The following LGI2 variants were observed in gnomAD, a reference collection of about 807,000 sequenced individuals.
LGI2 encodes the protein leucine rich repeat LGI family member 2, also known as leucine-rich repeat LGI family member 2.
LGI2 carries 30 observed loss-of-function variants against 52.0 expected under a neutral mutation model. The ratio of observed to expected loss-of-function variants is 0.58; its 90% CI spans 0.43 to 0.78. LGI2 has a LOEUF of 0.78. Ranked by LOEUF, LGI2 falls within the 30% of genes least tolerant of loss-of-function variation. The probability of loss-of-function intolerance (pLI) is 0.00; values close to 1 mark genes in which losing one functional copy is unlikely to be tolerated. For missense variants in LGI2, 573 were observed against 692.5 expected (o/e 0.83, Z 1.94); for synonymous variants, 270 against 271.8 (o/e 0.99, Z 0.06).
chr4:25,030,507 T>C lies in LGI2; in HGVS notation c.187A>G (p.Ile63Val), dbSNP rs757740774. Residue 63 changes from isoleucine (I) to valine (V), a missense_variant, in exon 1 of 8, where the codon ATC becomes GTC. By Grantham distance (29) the Ile-to-Val change is conservative. Transcript: ENST00000382114. The part of the protein sequence containing the change: ...SWVPRIVPGD[I>V]SSLSLVNGTF... ...AGGGGTCCCACTCACAGGGAGCTGA[T>C]GTCGCCCGGCACGATCCTGGGCACC... 1.6e-5 allele frequency: 25 copies of C among 1,589,988 alleles called. No individual in the cohort carries two copies. Among genetic ancestry groups the C allele is most frequent in the Admixed American group, 1.2e-4 (7 of 56,106 alleles).
At chr4:25,024,713 A>G in intron 4 of LGI2, 107 bp downstream of exon 4, 1 of 707,406 alleles carries the variant, frequency 1.4e-6, no homozygotes, top group Non-Finnish European at 2.4e-6. Context: ...AGTAATCTAG[A>G]AATTCATTTC....
At chr4:25,006,465 G>A (rs1458316534) in intron 7 of LGI2, among the ~76,000 whole-genome samples, 1 of 152,166 alleles carries the variant, frequency 6.6e-6, no homozygotes, top group Non-Finnish European at 1.5e-5. Context: ...TGGCTCTGGG[G>A]GCTGACACTG....
chr4:25,025,645 C>G (rs1577561451), intron 3 of LGI2, among the ~76,000 whole-genome samples: 3 of 152,146 alleles, frequency 2.0e-5, no homozygotes. Flanking sequence ...TCAGGGAGAA[C>G]TAAATTTTAG....
At chr4:25,009,885 C>T (rs1293744056) in intron 7 of LGI2, among the ~76,000 whole-genome samples, 2 of 152,120 alleles carry the variant, frequency 1.3e-5, no homozygotes, top group African/African-American at 4.8e-5. Flanking sequence ...CCACCTGCCT[C>T]GGCCTCCCAA....
intron 7 of LGI2, among the ~76,000 whole-genome samples, chr4:25,005,098 G>A (rs1256631878): frequency 6.6e-6 from 1 of 152,160 alleles, no homozygotes; most frequent in Non-Finnish European, 1.5e-5. Flanking sequence ...CAGATGCATA[G>A]AGACAGAAAG....
chr4:25,030,500 G>A lies in LGI2; in HGVS notation c.194C>T (p.Ser65Phe), dbSNP rs762755962. 9 of 1,586,548 alleles carry A rather than the reference G, an allele frequency of 5.7e-6. No individual in the cohort carries two copies. The highest frequency in any genetic ancestry group is 7.7e-6 in the Non-Finnish European group (9 of 1,168,288). ...GGGCTGGAGGGGTCCCACTCACAGG[G>A]AGCTGATGTCGCCCGGCACGATCCT... ...VPRIVPGDISSLSLVNGTFSE... is the reference protein window; with the variant it reads ...VPRIVPGDISFLSLVNGTFSE... The change falls in exon 1 of 8, where the codon TCC (serine) becomes TTC (phenylalanine). Residue 65 changes from serine (S) to phenylalanine (F), a missense_variant. By Grantham distance (155) the Ser-to-Phe change is radical. Coordinates refer to ENST00000382114, the MANE Select transcript of LGI2 (RefSeq NM_018176.4).
chr4:24,998,725 C>T (rs189846247), downstream of LGI2: 7 of 152,230 alleles, frequency 4.6e-5, no homozygotes, highest in Admixed American at 3.9e-4. Flanking sequence ...TGGTTACCTT[C>T]CATCTAAACA....
In LGI2 at chr4:25,018,079, C is replaced by T. The variant is rs138389407; in HGVS notation, c.565G>A (p.Val189Ile). 5.5e-5 allele frequency: 88 copies of T among 1,613,592 alleles called. No individual in the cohort carries two copies. Among genetic ancestry groups the T allele is most frequent in the Middle Eastern group, 4.9e-4 (3 of 6,084 alleles). The change falls in exon 6 of 8, where the codon GTT becomes ATT. Residue 189 changes from valine (V) to isoleucine (I), a missense_variant. Coordinates refer to ENST00000382114, the MANE Select transcript of LGI2 (RefSeq NM_018176.4). ...YLWLKMTNST[V>I]SDVLCIGPPE... Reference sequence around the variant, plus strand: ...GGACCAATACACAGCACATCAGAAACGGTGGAATTTGTCATCTTCAACCAC... The same window carrying T: ...GGACCAATACACAGCACATCAGAAATGGTGGAATTTGTCATCTTCAACCAC...
chr4:25,021,946 A>AC (rs1417485270), intron 4 of LGI2, among the ~76,000 whole-genome samples: 3 of 151,714 alleles, frequency 2.0e-5, no homozygotes, highest in Non-Finnish European at 4.4e-5. Flanking sequence ...AAAAAAAAAA[A>AC]AAACAAAGCC....
chr4:25,025,816 C>T (rs577380091), intron 3 of LGI2, among the ~76,000 whole-genome samples: 1 of 152,270 alleles, frequency 6.6e-6, no homozygotes, highest in Admixed American at 6.5e-5. Context: ...TAATAGACTT[C>T]AGCATAAACT....
Position 25,003,418 on chromosome 4 carries a change from GC to G in LGI2, c.*32del. 5.6e-6 allele frequency: 8 copies of G among 1,428,188 alleles called. No homozygotes were observed. Among genetic ancestry groups the G allele is most frequent in the Non-Finnish European group, 7.6e-6 (8 of 1,051,340 alleles). The allele number at this position is 1,428,188 out of a possible 1,614,324, so 88.5% of individuals were successfully genotyped here. Reference sequence around the variant, plus strand: ...TTGGTCCTCTTTTGTGAGAGCTAATGCTACATTTCTCTTAGTTTCACCCACC... The same window carrying G: ...TTGGTCCTCTTTTGTGAGAGCTAATGTACATTTCTCTTAGTTTCACCCACC... On this transcript the variant is annotated 3_prime_UTR_variant, in exon 8 of 8. Transcript: ENST00000382114.
intron 7 of LGI2, among the ~76,000 whole-genome samples, chr4:25,007,576 T>TA (rs1725430946): frequency 7.5e-6 from 1 of 133,938 alleles, no homozygotes; most frequent in African/African-American, 3.2e-5. Flanking sequence ...AGCAGACAGA[T>TA]CAGTGTGTGT....
At position 24,999,719 on chromosome 4, in the gene LGI2, C is replaced by T. The variant is rs1414869711; in HGVS notation, c.*3732G>A. 2.3e-6 allele frequency: 1 copy of T among 438,396 alleles called. No homozygotes were observed. The highest frequency in any genetic ancestry group is 7.2e-5 in the East Asian group (1 of 13,894). 27.2% of individuals were successfully genotyped at this position (438,396 alleles called of 1,614,324 possible). ...TTCCATCATGAGCACTCCTGACCGC[C>T]AAACCTCTGGCATCCCATGCTGATT... is the stretch of plus-strand genomic sequence containing the variant. On this transcript the variant is annotated 3_prime_UTR_variant, in exon 8 of 8. Coordinates refer to ENST00000382114, the MANE Select transcript of LGI2 (RefSeq NM_018176.4).
At chr4:25,016,166 C>G (rs1725751775) in intron 6 of LGI2, among the ~76,000 whole-genome samples, 1 of 152,224 alleles carries the variant, frequency 6.6e-6, no homozygotes, top group Admixed American at 6.5e-5. Context: ...ACTTTTATAA[C>G]TATCCTCAGG....
At chr4:25,011,081 CAA>C (rs35953611) in intron 7 of LGI2, among the ~76,000 whole-genome samples, 4 of 136,964 alleles carry the variant, frequency 2.9e-5, no homozygotes, top group Admixed American at 7.3e-5. Context: ...GAGCCTGTCT[CAA>C]AAAAAAAAAA....
At position 25,003,961 on chromosome 4, in the gene LGI2, C is replaced by T. The variant is rs756467143; in HGVS notation, c.1128G>A (p.Ala376=). 3.0e-5 allele frequency: 49 copies of T among 1,614,032 alleles called. No individual in the cohort carries two copies. The highest frequency in any genetic ancestry group is 5.0e-5 in the Admixed American group (3 of 60,002). Residue 376 remains alanine (A), a synonymous_variant, in exon 8 of 8, where the codon GCG becomes GCA. Transcript: ENST00000382114. ...ATTTTCCATCGATATCAACAAACTC[C>T]GCATCCGTGTCCCTGAACCACTCGT... ...SLHEWFRDTD[A]EFVDIDGKSH...
At chr4:25,012,223 T>C (rs1234315566) in intron 7 of LGI2, 112 bp downstream of exon 7, 1 of 1,224,614 alleles carries the variant, frequency 8.2e-7, no homozygotes, top group Non-Finnish European at 1.2e-6. Flanking sequence ...TCCCCAGCTC[T>C]AACCAGGTTA....
In LGI2 at chr4:24,999,868, G is replaced by A. The variant is rs757949468; in HGVS notation, c.*3583C>T. On this transcript the variant is annotated 3_prime_UTR_variant, in exon 8 of 8. Coordinates refer to ENST00000382114, the MANE Select transcript of LGI2 (RefSeq NM_018176.4). ...CAATTCATCACCACTCGTGCATTCA[G>A]GTTTTGAATTTTTCCTTCACAGATC... 4.4e-6 allele frequency: 2 copies of A among 455,950 alleles called. No homozygotes were observed. The highest frequency in any genetic ancestry group is 7.0e-5 in the East Asian group (1 of 14,380). The allele number at this position is 455,950 out of a possible 1,614,324, so 28.2% of individuals were successfully genotyped here.
chr4:25,024,750 C>G (rs1726086228), intron 4 of LGI2, 70 bp downstream of exon 4: 3 of 1,044,092 alleles, frequency 2.9e-6, no homozygotes, highest in Middle Eastern at 4.3e-4. Context: ...AGCCAAGAAA[C>G]AGAGAGGCTC....
Sources: gnomAD v4.1 joint callset for allele counts (sites outside exome capture counted in the v4.1 genomes callset) on GRCh38, gnomAD v4.1.1 for gene constraint, MANE v1.5 for transcripts, NCBI Gene and HGNC (gene_info 2026-07-23, HGNC 2026-07-21) for gene names.